The following AAK1 variants were observed in gnomAD, a reference collection of about 807,000 sequenced individuals.
AAK1 encodes AP2 associated kinase 1.
AAK1 carries 37 observed loss-of-function variants against 116.0 expected under a neutral mutation model. That is an observed-to-expected ratio of 0.32 (90% CI 0.25 to 0.42). The LOEUF (loss-of-function observed/expected upper bound fraction) is 0.42. Ranked by LOEUF, AAK1 falls within the 10% of genes least tolerant of loss-of-function variation. The probability of loss-of-function intolerance (pLI) is 1.00; values close to 1 mark genes in which losing one functional copy is unlikely to be tolerated. For missense variants in AAK1, 919 were observed against 1,170.6 expected, an observed-to-expected ratio of 0.79 and a Z score of 3.14; for synonymous variants, 458 against 439.9, an observed-to-expected ratio of 1.04 and a Z score of -0.51.
chr2:69,585,264 G>C (rs978017364), intron 2 of AAK1, among the ~76,000 whole-genome samples: 9 of 152,106 alleles, frequency 5.9e-5, no homozygotes, highest in Non-Finnish European at 7.4e-5. Flanking sequence ...GTCTCACTTT[G>C]TTGCCCAGGC....
chr2:69,479,166 T>A, intron 19 of AAK1, 105 bp from the exon 20 acceptor site: 2 of 810,468 alleles, frequency 2.5e-6, no homozygotes, highest in Non-Finnish European at 4.0e-6. Context: ...CATTTACACG[T>A]TACACATAAA....
chr2:69,552,307 C>A (rs928468753), intron 3 of AAK1, among the ~76,000 whole-genome samples: 5 of 152,200 alleles, frequency 3.3e-5, no homozygotes, highest in Non-Finnish European at 7.3e-5. Flanking sequence ...TTAAGTTCAA[C>A]TGATTTTTAA....
chr2:69,549,111 G>A (rs1426026294), intron 3 of AAK1, among the ~76,000 whole-genome samples: 1 of 151,622 alleles, frequency 6.6e-6, no homozygotes, highest in Non-Finnish European at 1.5e-5. Flanking sequence ...GCTCACGCCT[G>A]TAATCCCAGC....
In AAK1 at chr2:69,505,653, C is replaced by G. The variant is rs1210652695; in HGVS notation, c.2185G>C (p.Gly729Arg). ...LGEGKHPEKL[G>R]GSAESLIPGF... ...GGGATCAAACTCTCAGCTGAGCCTCCAAGCTTCTCGGGATGTTTGCCTGGA... is the reference window on the plus strand; with the variant it reads ...GGGATCAAACTCTCAGCTGAGCCTCGAAGCTTCTCGGGATGTTTGCCTGGA... The change falls in exon 16 of 22, where the codon GGA becomes CGA. Residue 729 changes from glycine to arginine, a missense_variant. By Grantham distance (125) the Gly-to-Arg change is moderately radical (BLOSUM62 -2). This residue lies in a region of AAK1 where 263 missense variants were observed against 285.5 expected (regional missense o/e 0.92). Coordinates refer to ENST00000409085, the MANE Select transcript of AAK1 (RefSeq NM_014911.5). 2 of 1,613,554 alleles carry G rather than the reference C, an allele frequency of 1.2e-6. No homozygotes were observed. The highest frequency in any genetic ancestry group is 1.7e-6 in the Non-Finnish European group (2 of 1,179,672).
intron 2 of AAK1, among the ~76,000 whole-genome samples, chr2:69,567,219 G>A (rs1441720434): frequency 2.0e-5 from 3 of 152,174 alleles, no homozygotes; most frequent in Non-Finnish European, 4.4e-5. Flanking sequence ...CTTGGCCTGA[G>A]CCACTCCTAG....
chr2:69,581,121 AT>A (rs1027575680), intron 2 of AAK1, among the ~76,000 whole-genome samples: 13 of 152,020 alleles, frequency 8.6e-5, no homozygotes, highest in African/African-American at 3.1e-4. Flanking sequence ...AATTTTATTT[AT>A]TTATTTATTG....
chr2:69,626,826 G>C (rs938301240), intron 2 of AAK1, among the ~76,000 whole-genome samples: 1 of 151,976 alleles, frequency 6.6e-6, no homozygotes, highest in Non-Finnish European at 1.5e-5. Context: ...ATTTTACTTA[G>C]GATTTATTTT....
intron 2 of AAK1, among the ~76,000 whole-genome samples, chr2:69,560,866 C>A (rs1010299234): frequency 4.6e-5 from 7 of 152,166 alleles, no homozygotes; most frequent in Non-Finnish European, 1.0e-4. Flanking sequence ...TAACTCTCTA[C>A]TTAAGGTGTC....
At chr2:69,519,338 G>A in intron 11 of AAK1, 98 bp from the exon 12 acceptor site, 1 of 1,427,958 alleles carries the variant, frequency 7.0e-7, no homozygotes, top group Non-Finnish European at 9.2e-7. Flanking sequence ...TGACAAGTGT[G>A]CAGAGTATCT....
At position 69,475,703 on chromosome 2, in the gene AAK1, T is replaced by C; in HGVS notation, c.*166A>G. The C allele has an allele frequency of 7.2e-7, 1 of 1,394,632 alleles. No individual in the cohort carries two copies. The highest frequency in any genetic ancestry group is 9.3e-7 in the Non-Finnish European group (1 of 1,074,652). The allele number at this position is 1,394,632 out of a possible 1,614,324, so 86.4% of individuals were successfully genotyped here. Reference sequence around the variant, plus strand: ...AATATCTGGAGGGCCAAAGTGATTTTCTTTCCTTATCATTTCTACAGGAGA... The same window carrying C: ...AATATCTGGAGGGCCAAAGTGATTTCCTTTCCTTATCATTTCTACAGGAGA... On this transcript the variant is annotated 3_prime_UTR_variant, in exon 22 of 22. Transcript: ENST00000409085.
chr2:69,514,008 G>A (rs916227127), intron 13 of AAK1, among the ~76,000 whole-genome samples: 28 of 152,162 alleles, frequency 1.8e-4, no homozygotes, highest in Non-Finnish European at 3.2e-4. Flanking sequence ...GGCCCTTGAC[G>A]GGAGCTGCAT....
chr2:69,629,768 C>G (rs540443161), intron 2 of AAK1, among the ~76,000 whole-genome samples: 2 of 152,206 alleles, frequency 1.3e-5, no homozygotes, highest in East Asian at 1.9e-4. Context: ...TTCAAATTTA[C>G]GAGTACTCAA....
At position 69,527,190 on chromosome 2, in the gene AAK1, C is replaced by T. The variant is rs768668293; in HGVS notation, c.975+26G>A. The T allele has an allele frequency of 3.3e-6, 5 of 1,508,368 alleles. No homozygotes were observed. The Admixed American group carries it at 7.3e-5, about 22-fold the overall frequency. The allele number at this position is 1,508,368 out of a possible 1,614,324, so 93.4% of individuals were successfully genotyped here. On this transcript the variant is annotated intron_variant, in intron 9 of 21. Transcript: ENST00000409085. ...AAATGGCAATTTGATAATGTTTACT[C>T]CCTTTAAATAGCACCATTCACGTAC...
intron 2 of AAK1, among the ~76,000 whole-genome samples, chr2:69,593,147 T>C (rs1485134274): frequency 6.6e-6 from 1 of 152,206 alleles, no homozygotes; most frequent in Non-Finnish European, 1.5e-5. Context: ...ATTCAGAAAG[T>C]AGACATCCAT....
chr2:69,551,479 T>C (rs1345561577), intron 3 of AAK1, among the ~76,000 whole-genome samples: 1 of 152,208 alleles, frequency 6.6e-6, no homozygotes, highest in Non-Finnish European at 1.5e-5. Context: ...GGATCTATCT[T>C]CCACCCTTTG....
At chr2:69,543,279 G>A (rs994934927) in intron 4 of AAK1, among the ~76,000 whole-genome samples, 9 of 152,214 alleles carry the variant, frequency 5.9e-5, no homozygotes, top group African/African-American at 1.2e-4. Context: ...GAAATGAGCA[G>A]GAGGAAACAA....
chr2:69,511,639 T>G (rs959462706), intron 13 of AAK1, among the ~76,000 whole-genome samples: 1 of 152,222 alleles, frequency 6.6e-6, no homozygotes, highest in Admixed American at 6.5e-5. Context: ...GTTGGGTCCC[T>G]TTATTTTGAA....
intron 2 of AAK1, among the ~76,000 whole-genome samples, chr2:69,565,979 G>A (rs1671849434): frequency 6.6e-6 from 1 of 152,084 alleles, no homozygotes; most frequent in Non-Finnish European, 1.5e-5. Context: ...CACTGTTCAG[G>A]TGGGAGTGTG....
Position 69,468,535 on chromosome 2 carries a change from ATC to A in AAK1, c.*7332_*7333del. 2.0e-6 allele frequency: 2 copies of A among 985,434 alleles called. No individual in the cohort carries two copies. The highest frequency in any genetic ancestry group is 2.4e-6 in the Non-Finnish European group (2 of 829,928). 61.0% of individuals were successfully genotyped at this position (985,434 alleles called of 1,614,324 possible). The stretch of plus-strand genomic sequence containing the variant: ...AGCTTGTTCTGCAGGAGAGCAAAAT[ATC>A]TCTTAGGGAAAAAAAATGGAAAACT... On this transcript the variant is annotated 3_prime_UTR_variant, in exon 22 of 22. Coordinates refer to ENST00000409085, the MANE Select transcript of AAK1 (RefSeq NM_014911.5).
Sources: allele counts gnomAD v4.1 joint callset (sites outside exome capture counted in the v4.1 genomes callset), GRCh38; gene constraint gnomAD v4.1.1; regional missense constraint gnomAD v4.1.1; transcripts MANE v1.5; gene names NCBI Gene and HGNC (gene_info 2026-07-23, HGNC 2026-07-21).